Variants in CCDC32 observed in about 807,000 individuals in gnomAD.
CCDC32 encodes coiled-coil domain containing 32.
In CCDC32, 9 loss-of-function variants were observed where a neutral mutation model predicts 20.1. The ratio of observed to expected loss-of-function variants is 0.45; its 90% CI spans 0.27 to 0.78. The LOEUF is 0.78. CCDC32 is among the 30% of genes least tolerant of loss of function. The probability of loss-of-function intolerance (pLI) is 0.16; values close to 1 mark genes in which losing one functional copy is unlikely to be tolerated. For synonymous variants in CCDC32, 63 were observed against 79.0 expected (o/e 0.80, Z 1.07); for missense variants, 204 against 215.5 (o/e 0.95, Z 0.33).
chr15:40,545,143 A>C, intron 3 of CCDC32, among the ~76,000 whole-genome samples: 1 of 152,104 alleles, frequency 6.6e-6, no homozygotes, highest in Non-Finnish European at 1.5e-5. Context: ...CCCAATGTAC[A>C]CTCCGCATCC....
chr15:40,539,977 G>A (rs1435037996), intron 3 of CCDC32, among the ~76,000 whole-genome samples: 3 of 152,148 alleles, frequency 2.0e-5, no homozygotes, highest in East Asian at 1.9e-4. Context: ...CATTGGAACA[G>A]TGTGAAGGGT....
intron 3 of CCDC32, chr15:40,529,659 GTTT>G (rs1200971655): frequency 5.3e-5 from 6 of 114,096 alleles, no homozygotes; most frequent in Admixed American, 1.7e-4. Context: ...GGTTTGGATG[GTTT>G]TTTTTTTTTT....
chr15:40,529,661 T>G (rs1302947560), intron 3 of CCDC32: 1 of 43,366 alleles, frequency 2.3e-5, no homozygotes, highest in Non-Finnish European at 4.5e-5. Flanking sequence ...TTTGGATGGT[T>G]TTTTTTTTTT....
At chr15:40,550,291 A>G (rs1889799068), downstream of CCDC32, among the ~76,000 whole-genome samples, 4 of 152,226 alleles carry the variant, frequency 2.6e-5, no homozygotes, top group South Asian at 2.1e-4. Context: ...AAGGAGGAAG[A>G]AGGAAGAAAG....
At chr15:40,544,338 C>T (rs567664631) in intron 3 of CCDC32, among the ~76,000 whole-genome samples, 2 of 152,236 alleles carry the variant, frequency 1.3e-5, no homozygotes, top group East Asian at 1.9e-4. Flanking sequence ...CTCAGCATCC[C>T]GAGTAGCTGG....
downstream of CCDC32, chr15:40,535,714 CATGTG>C: frequency 1.1e-6 from 1 of 889,668 alleles, no homozygotes; most frequent in Non-Finnish European, 1.3e-6. Flanking sequence ...GATTTGAGCA[CATGTG>C]GTTTATTTAA....
At chr15:40,529,188 G>A (rs543115455) in intron 3 of CCDC32, among the ~76,000 whole-genome samples, 1 of 152,326 alleles carries the variant, frequency 6.6e-6, no homozygotes, top group East Asian at 1.9e-4. Context: ...GGGGTCTTAA[G>A]GGGAAGCTTA....
intron 3 of CCDC32, among the ~76,000 whole-genome samples, chr15:40,546,193 C>CTTT: frequency 7.1e-6 from 1 of 141,676 alleles, no homozygotes; most frequent in Non-Finnish European, 1.5e-5. Context: ...TTTTTCTTTC[C>CTTT]TTTTTTTTTT....
At chr15:40,531,716 G>C (rs576265656), downstream of CCDC32, 22 of 152,132 alleles carry the variant, frequency 1.4e-4, no homozygotes, top group African/African-American at 2.2e-4. Flanking sequence ...CTGAGCTCAA[G>C]CAATCCTCCT....
downstream of CCDC32, among the ~76,000 whole-genome samples, chr15:40,550,099 C>G (rs1343618365): frequency 6.6e-6 from 1 of 152,180 alleles, no homozygotes; most frequent in Non-Finnish European, 1.5e-5. Flanking sequence ...GTGATGAGCA[C>G]GTGTGTGTGC....
the CCDC32 span, among the ~76,000 whole-genome samples, chr15:40,523,013 G>T: frequency 1.3e-5 from 2 of 150,442 alleles, no homozygotes; most frequent in African/African-American, 4.9e-5. Flanking sequence ...TTTTAGTAGA[G>T]AGTGTGTTTT....
chr15:40,535,741 T>A (rs777383377), downstream of CCDC32: 2 of 750,514 alleles, frequency 2.7e-6, no homozygotes, highest in South Asian at 1.2e-4. Context: ...CATTCGTTCA[T>A]CTTTCTCTGA....
rs540361917 is a variant in CCDC32 at position 40,553,498 on chromosome 15, C to G, written c.*473G>C. On this transcript the variant is annotated 3_prime_UTR_variant, in exon 4 of 4. Transcript: ENST00000416810. The stretch of plus-strand genomic sequence containing the variant: ...ATTCAAGGAGCAGACTTCACTCTTA[C>G]TGGCCCCACTCACGTGACAATTCAC... 1.0e-6 allele frequency: 1 copy of G among 987,016 alleles called. No homozygotes were observed. Among genetic ancestry groups the G allele is most frequent in the South Asian group, 4.7e-5 (1 of 21,366 alleles). 61.1% of individuals were successfully genotyped at this position (987,016 alleles called of 1,614,324 possible). A position where few individuals can be genotyped will look rare whatever the true frequency, so the allele number is the denominator to read the frequency against.
chr15:40,556,934 G>C, intron 3 of CCDC32: 1 of 280,880 alleles, frequency 3.6e-6, no homozygotes. Flanking sequence ...AGGAGTAAAT[G>C]GTTTTTCCTT....
At chr15:40,532,140 C>A (rs760538311), downstream of CCDC32, 2 of 540,486 alleles carry the variant, frequency 3.7e-6, no homozygotes, top group Non-Finnish European at 6.6e-6. Context: ...TTTTTCTTCT[C>A]TAGTTTTCAG....
At chr15:40,563,319 C>T (rs907071680) in intron 1 of CCDC32, among the ~76,000 whole-genome samples, 7 of 152,098 alleles carry the variant, frequency 4.6e-5, no homozygotes, top group Admixed American at 1.3e-4. Context: ...GTGGTGATCA[C>T]GCCATTGCAC....
intron 3 of CCDC32, among the ~76,000 whole-genome samples, chr15:40,545,553 A>T (rs938283978): frequency 6.6e-6 from 1 of 152,194 alleles, no homozygotes; most frequent in African/African-American, 2.4e-5. Context: ...TCTGCCACAC[A>T]TTGACTAATA....
chr15:40,521,072 G>A, the CCDC32 span, among the ~76,000 whole-genome samples: 4 of 152,150 alleles, frequency 2.6e-5, no homozygotes, highest in East Asian at 3.8e-4. Context: ...TCATCTTCGC[G>A]TCGAGTAGGC....
chr15:40,538,866 G>T (rs1889246070), downstream of CCDC32: 2 of 210,700 alleles, frequency 9.5e-6, no homozygotes, highest in Non-Finnish European at 1.9e-5. Flanking sequence ...GAAGGAGTCT[G>T]GGGGAGCTCT....
Sources: gnomAD v4.1 joint callset for allele counts (sites outside exome capture counted in the v4.1 genomes callset) on GRCh38, gnomAD v4.1.1 for gene constraint, MANE v1.5 for transcripts, NCBI Gene and HGNC (gene_info 2026-07-23, HGNC 2026-07-21) for gene names.